The following RAPGEF3 variants were observed in gnomAD, a reference collection of about 807,000 sequenced individuals.
The protein encoded by RAPGEF3 is Rap guanine nucleotide exchange factor 3.
Under a neutral mutation model 129.8 loss-of-function variants are expected in RAPGEF3, and 103 were observed. The observed-to-expected ratio is 0.79, with a 90% CI of 0.68 to 0.93. The LOEUF is 0.93. Among genes scored for constraint, RAPGEF3 ranks in the 40% least tolerant of loss-of-function variants. The pLI, the probability that RAPGEF3 is intolerant of heterozygous loss-of-function variation, is 0.00. For synonymous variants in RAPGEF3, 436 were observed against 482.6 expected, an observed-to-expected ratio of 0.90 and a Z score of 1.26; for missense variants, 1,117 against 1,207.4, an observed-to-expected ratio of 0.93 and a Z score of 1.11.
At chr12:47,746,644 A>T in intron 16 of RAPGEF3, 2 of 715,298 alleles carry the variant, frequency 2.8e-6, no homozygotes, top group Non-Finnish European at 5.2e-6. Flanking sequence ...GGAGTGGGCG[A>T]GGAGGGAGGC....
rs755645425 is a variant in RAPGEF3, at chr12:47,750,406, C to G, written c.691G>C (p.Glu231Gln). The G allele has an allele frequency of 1.2e-6, 2 of 1,613,750 alleles. No individual in the cohort carries two copies. Among genetic ancestry groups the G allele is most frequent in the Non-Finnish European group, 1.7e-6 (2 of 1,179,864 alleles). ...TCCTCAAAGATGAGGTCCAGCTCTT[C>G]ATCCGTGCGCTGACCTGGGCTGCAG... ...LRKPPGQRTD[E>Q]ELDLIFEELL... The change falls in exon 7 of 28, where the codon GAA becomes CAA. Residue 231 changes from glutamate (E) to glutamine (Q), a missense_variant. Physicochemically the swap from Glu to Gln is conservative, Grantham distance 29. Transcript: ENST00000449771.
chr12:47,748,248 C>T, intron 12 of RAPGEF3, 96 bp from the exon 13 acceptor site: 2 of 1,117,492 alleles, frequency 1.8e-6, no homozygotes, highest in South Asian at 2.8e-5. Flanking sequence ...CCCCACATCC[C>T]ACCACCTGCA....
chr12:47,751,510 A>G lies in RAPGEF3; in HGVS notation c.391T>C (p.Ser131Pro). The G allele has an allele frequency of 7.4e-6, 12 of 1,614,198 alleles. No individual in the cohort carries two copies. Among genetic ancestry groups the G allele is most frequent in the South Asian group, 1.1e-5 (1 of 91,090 alleles). Residue 131 changes from serine (S) to proline (P), a missense_variant, in exon 5 of 28, where the codon TCT (serine) becomes CCT (proline). Ser to Pro is a moderately conservative substitution (Grantham distance 74). Around this residue, in one of 3 missense-constraint regions of RAPGEF3, gnomAD observed 367 missense variants for 373.4 expected, o/e 0.98. Coordinates refer to ENST00000449771, the MANE Select transcript of RAPGEF3 (RefSeq NM_001098531.4). ...YHLRLYRQCC[S>P]GRELVDGILA... is the part of the protein sequence containing the mutation. Reference sequence around the variant, plus strand: ...ATCCCATCCACCAGCTCCCGGCCAGAGCAGCACTGCCTATGGAAGGTAGAA... The same window carrying G: ...ATCCCATCCACCAGCTCCCGGCCAGGGCAGCACTGCCTATGGAAGGTAGAA...
chr12:47,757,006 T>C (rs975390476), intron 2 of RAPGEF3, among the ~76,000 whole-genome samples: 1 of 151,264 alleles, frequency 6.6e-6, no homozygotes, highest in Admixed American at 6.6e-5. Context: ...AGAAATGAAC[T>C]CTCCCGGCCA....
In RAPGEF3 at chr12:47,743,606, T is replaced by C. The variant is rs771833704; in HGVS notation, c.1749A>G (p.Arg583=). Residue 583 remains arginine, a synonymous_variant, in exon 18 of 28, where the codon AGA becomes AGG. Coordinates refer to ENST00000449771, the MANE Select transcript of RAPGEF3 (RefSeq NM_001098531.4). ...CCTGGGCCAACGCTGCCATCACCTC[T>C]CTCACGGAGGCTGTCACAGGCAGCT... ...TLQLPVTASV[R]EVMAALAQED... 7 of 1,613,942 alleles carry C rather than the reference T, an allele frequency of 4.3e-6. No individual in the cohort carries two copies. The South Asian group carries it at 6.6e-5, about 15-fold the overall frequency.
chr12:47,747,407 A>G, intron 15 of RAPGEF3, 137 bp downstream of exon 15: 1 of 779,164 alleles, frequency 1.3e-6, no homozygotes, highest in Non-Finnish European at 2.1e-6. Context: ...CAGCAAGGGG[A>G]CTGATAAGAA....
At chr12:47,737,987 C>A in intron 27 of RAPGEF3, 35 bp downstream of exon 27, 3 of 1,530,980 alleles carry the variant, frequency 2.0e-6, no homozygotes, top group South Asian at 2.2e-5. Flanking sequence ...CATAAGCACC[C>A]CCTCCCTGCC....
Position 47,747,886 on chromosome 12 carries a change from C to T in RAPGEF3, c.1323-24G>A, listed in dbSNP as rs201283838. ...AGGTGGGCACCAGTCAAGGGAACCA[C>T]AACATCCAAGCAGGGCCACCCACCT... On this transcript the variant is annotated intron_variant, in intron 13 of 27. Transcript: ENST00000449771. The T allele has an allele frequency of 4.6e-5, 74 of 1,600,038 alleles. No homozygotes were observed. In the East Asian group the frequency reaches 1.3e-3, roughly 29 times the overall value.
chr12:47,746,735 G>T, intron 16 of RAPGEF3, 125 bp downstream of exon 16: 1 of 1,123,240 alleles, frequency 8.9e-7, no homozygotes, highest in Non-Finnish European at 1.3e-6. Context: ...ACCTATCAGA[G>T]ACCCAAGGGT....
At chr12:47,750,215 A>G (rs991188691) in intron 7 of RAPGEF3, 126 bp downstream of exon 7, 2 of 1,170,910 alleles carry the variant, frequency 1.7e-6, no homozygotes, top group Admixed American at 1.8e-5. Flanking sequence ...AAGAAATCAG[A>G]CTGAAAATTT....
chr12:47,740,001 TGGGCCGA>T (rs1941044504), intron 23 of RAPGEF3, 133 bp downstream of exon 23: 2 of 1,058,284 alleles, frequency 1.9e-6, no homozygotes, highest in Admixed American at 4.1e-5. Context: ...AGCTAGGCCC[TGGGCCGA>T]GGTTGGGAAC....
At chr12:47,746,657 C>G (rs778707526) in intron 16 of RAPGEF3, 8 of 726,546 alleles carry the variant, frequency 1.1e-5, no homozygotes, top group Non-Finnish European at 2.0e-5. Flanking sequence ...AGGGAGGCCA[C>G]CTTAGGCCTC....
chr12:47,741,588 G>T lies in RAPGEF3; in HGVS notation c.1840C>A (p.Gln614Lys), dbSNP rs750044338. The change falls in exon 19 of 28, where the codon CAG becomes AAG. Residue 614 changes from glutamine (Q) to lysine (K), a missense_variant. Gln to Lys is a moderately conservative substitution (Grantham distance 53). Transcript: ENST00000449771. ...GTGGCCACACCACGGGCATCTGGCT[G>T]CAGGCCAATGGCATCTGCAAAGACA... ...VNSAGDAIGL[Q>K]PDARGVATSL... The T allele has an allele frequency of 1.9e-6, 3 of 1,614,100 alleles. No individual in the cohort carries two copies. Among genetic ancestry groups the T allele is most frequent in the South Asian group, 1.1e-5 (1 of 91,088 alleles).
intron 18 of RAPGEF3, chr12:47,741,858 C>T (rs1941190127): frequency 1.9e-6 from 1 of 526,488 alleles, no homozygotes; most frequent in African/African-American, 1.9e-5. Context: ...GAGCCTCCCT[C>T]AGCCTCACTT....
rs1326872814 is a variant in RAPGEF3, at chr12:47,735,933, C to T, written c.*1634G>A. 1.3e-5 allele frequency: 2 copies of T among 152,432 alleles called. No individual in the cohort carries two copies. Among genetic ancestry groups the T allele is most frequent in the Non-Finnish European group, 2.9e-5 (2 of 68,198 alleles). The allele number at this position is 152,432 out of a possible 1,614,324, so 9.4% of individuals were successfully genotyped here. On this transcript the variant is annotated 3_prime_UTR_variant, in exon 28 of 28. Coordinates refer to ENST00000449771, the MANE Select transcript of RAPGEF3 (RefSeq NM_001098531.4). ...GCTTCTCCTGTGTCCCCACCCACGG[C>T]AAGGGAACTGGTTTGGTTACCACTG... is the stretch of plus-strand genomic sequence containing the variant.
At chr12:47,741,069 G>C (rs759555168) in intron 19 of RAPGEF3, 29 bp from the exon 20 acceptor site, 9 of 1,607,824 alleles carry the variant, frequency 5.6e-6, no homozygotes, top group Non-Finnish European at 6.8e-6. Context: ...TCAGGGGGCT[G>C]CCTGAGGAAT....
At position 47,754,920 on chromosome 12, in the gene RAPGEF3, C is replaced by T. The variant is rs1287956851; in HGVS notation, c.219+2946G>A. On this transcript the variant is annotated intron_variant, in intron 2 of 27. Transcript: ENST00000449771. Reference sequence around the variant, plus strand: ...GGCACCAGCACTGTGGCCTGCCCCACCCTCACTCCCTGTCACTGAATGTCA... The same window carrying T: ...GGCACCAGCACTGTGGCCTGCCCCATCCTCACTCCCTGTCACTGAATGTCA... 2.6e-5 allele frequency among the ~76,000 whole-genome samples: 4 copies of T among 152,332 alleles called. No individual in the cohort carries two copies. In the East Asian group the frequency reaches 7.7e-4, roughly 29 times the overall value.
Position 47,757,913 on chromosome 12 carries a change from G to T in RAPGEF3, c.172C>A (p.Leu58Met), listed in dbSNP as rs1326752370. The T allele has an allele frequency of 5.8e-6, 9 of 1,556,922 alleles. No homozygotes were observed. Among genetic ancestry groups the T allele is most frequent in the Non-Finnish European group, 7.0e-6 (8 of 1,150,290 alleles). The change falls in exon 2 of 28, where the codon CTG becomes ATG. Residue 58 changes from leucine (L) to methionine (M), a missense_variant. Physicochemically the swap from Leu to Met is conservative, Grantham distance 15 (BLOSUM62 2). Transcript: ENST00000449771. ...CTCGGACGCTGGTGCTCCAGCAGCAGCTGGTAGGAGCAGCTTCGGGGCCGG... is the reference window on the plus strand; with the variant it reads ...CTCGGACGCTGGTGCTCCAGCAGCATCTGGTAGGAGCAGCTTCGGGGCCGG... ...MHRPRSCSYQ[L>M]LLEHQRPSCI...
Position 47,738,066 on chromosome 12 carries a change from A to T in RAPGEF3, c.2609T>A (p.Val870Asp), listed in dbSNP as rs1307559693. 1.2e-6 allele frequency: 2 copies of T among 1,614,006 alleles called. No homozygotes were observed. Among genetic ancestry groups the T allele is most frequent in the South Asian group, 2.2e-5 (2 of 91,064 alleles). Residue 870 changes from valine to aspartate, a missense_variant, in exon 27 of 28, where the codon GTT becomes GAT. This residue lies in a region of RAPGEF3 where 643 missense variants were observed against 673.4 expected (regional missense o/e 0.95). Transcript: ENST00000449771. ...CTGGCTGTCCTCGTGGAGGTGGGAA[A>T]CTCGGCTTCTGAGTGGTGAGAGAGG... is the stretch of plus-strand genomic sequence containing the variant. ...PVPLSPLRSR[V>D]SHLHEDSQVA... is the part of the protein sequence containing the mutation.
Sources: gnomAD v4.1 joint callset for allele counts (sites outside exome capture counted in the v4.1 genomes callset) on GRCh38, gnomAD v4.1.1 for gene constraint, gnomAD v4.1.1 regional missense constraint, MANE v1.5 for transcripts, NCBI Gene and HGNC (gene_info 2026-07-23, HGNC 2026-07-21) for gene names.